The following FBN1 variants were observed in gnomAD, a reference collection of about 807,000 sequenced individuals.
FBN1 encodes the protein fibrillin 1, also known as fibrillin-1.
In FBN1, 29 loss-of-function variants were observed where a neutral mutation model predicts 365.1. The ratio of observed to expected loss-of-function variants is 0.08; its 90% confidence interval spans 0.06 to 0.11. FBN1 has a LOEUF of 0.11. Among genes scored for constraint, FBN1 ranks in the 10% least tolerant of loss-of-function variants. The probability of loss-of-function intolerance (pLI) is 1.00; values close to 1 mark genes in which losing one functional copy is unlikely to be tolerated. For synonymous variants in FBN1, 1,210 were observed against 1,270.5 expected, an observed-to-expected ratio of 0.95 and a Z score of 1.01; for missense variants, 2,476 against 3,703.2, an observed-to-expected ratio of 0.67 and a Z score of 8.60.
Position 48,419,493 on chromosome 15 carries a change from TGATTAAAATCAAA to T in FBN1, c.7819+1181_7819+1193del, listed in dbSNP as rs2042924570. On this transcript the variant is annotated intron_variant, in intron 63 of 65. Transcript: ENST00000316623. ...TTCTGTGAACAATGTCAGAAACTGG[TGATTAAAATCAAA>T]GACCTCCCTGAGCTGCTAATGAACA... Among the ~76,000 whole-genome samples, 4 of 152,162 alleles carry T rather than the reference TGATTAAAATCAAA, an allele frequency of 2.6e-5. No individual in the cohort carries two copies. The South Asian group carries it at 8.3e-4, about 31-fold the overall frequency.
Position 48,580,221 on chromosome 15 carries a change from C to A in FBN1, c.538+16062G>T, listed in dbSNP as rs2044381446. On this transcript the variant is annotated intron_variant, in intron 6 of 65. Coordinates refer to ENST00000316623, the MANE Select transcript of FBN1 (RefSeq NM_000138.5). The stretch of plus-strand genomic sequence containing the variant: ...TACAGTCATCATGCATGCACTAGGA[C>A]CATTCATCCCTGACAGTCAGACAAG... Among the ~76,000 whole-genome samples the A allele has an allele frequency of 5.9e-5, 9 of 152,270 alleles. No individual in the cohort carries two copies. In the South Asian group the frequency reaches 1.9e-3, roughly 32 times the overall value.
intron 6 of FBN1, among the ~76,000 whole-genome samples, chr15:48,543,015 T>A (rs1406504388): frequency 6.6e-6 from 1 of 152,186 alleles, no homozygotes; most frequent in Non-Finnish European, 1.5e-5. Flanking sequence ...ACTGACATCC[T>A]AATCATGGCA....
chr15:48,414,159 A>G (rs1255260945), intron 64 of FBN1, among the ~76,000 whole-genome samples: 2 of 152,214 alleles, frequency 1.3e-5, no homozygotes, highest in Non-Finnish European at 2.9e-5. Flanking sequence ...GCCAGTTTAG[A>G]GTGTCACAAT....
chr15:48,546,668 G>A (rs1193155413), intron 6 of FBN1, among the ~76,000 whole-genome samples: 7 of 152,190 alleles, frequency 4.6e-5, no homozygotes. Flanking sequence ...GAAAATAAAA[G>A]CCACTGTTAT....
At chr15:48,636,410 G>A (rs576232541) in intron 2 of FBN1, among the ~76,000 whole-genome samples, 24 of 152,218 alleles carry the variant, frequency 1.6e-4, no homozygotes, top group South Asian at 6.2e-4. Flanking sequence ...GTTAGCCTAC[G>A]GTCAATATGT....
intron 50 of FBN1, among the ~76,000 whole-genome samples, chr15:48,440,613 T>C (rs2043104944): frequency 1.3e-5 from 2 of 152,214 alleles, no homozygotes; most frequent in African/African-American, 4.8e-5. Flanking sequence ...CCTCTCCTTC[T>C]TACTTCCCAA....
intron 29 of FBN1, among the ~76,000 whole-genome samples, chr15:48,486,053 C>T (rs2043503955): frequency 6.6e-6 from 1 of 152,208 alleles, no homozygotes; most frequent in Non-Finnish European, 1.5e-5. Context: ...CAATCTTTGA[C>T]TTCAAAATGA....
At position 48,468,340 on chromosome 15, in the gene FBN1, T is replaced by C; in HGVS notation, c.4582+72A>G. On this transcript the variant is annotated intron_variant, in intron 37 of 65. Transcript: ENST00000316623. ...TCATTCATTTTGCAAACTTTGAGAA[T>C]GGAATGTTTGGTGCTGTTTTCAAAA... The C allele has an allele frequency of 5.7e-6, 9 of 1,578,156 alleles. No homozygotes were observed. In the South Asian group the frequency reaches 8.9e-5, roughly 16 times the overall value.
chr15:48,513,493 C>T, intron 13 of FBN1, 56 bp downstream of exon 13: 1 of 1,613,402 alleles, frequency 6.2e-7, no homozygotes, highest in Non-Finnish European at 8.5e-7. Context: ...TCCTTTGAAG[C>T]CAACCCCCAG....
intron 24 of FBN1, among the ~76,000 whole-genome samples, chr15:48,491,450 A>G (rs960447701): frequency 6.6e-6 from 1 of 151,478 alleles, no homozygotes; most frequent in Non-Finnish European, 1.5e-5. Context: ...TCCCGGGTTC[A>G]TGCCATTCTC....
intron 6 of FBN1, among the ~76,000 whole-genome samples, chr15:48,583,124 A>T (rs1226442643): frequency 2.6e-5 from 4 of 152,202 alleles, no homozygotes; most frequent in Non-Finnish European, 5.9e-5. Context: ...GTGACTCCAG[A>T]AGGCGGGATG....
chr15:48,534,516 A>G (rs1401219095), intron 7 of FBN1, among the ~76,000 whole-genome samples: 1 of 152,256 alleles, frequency 6.6e-6, no homozygotes, highest in African/African-American at 2.4e-5. Context: ...CAAAGTATAA[A>G]GATACGTTTA....
intron 6 of FBN1, among the ~76,000 whole-genome samples, chr15:48,556,266 T>C (rs1400915189): frequency 6.6e-6 from 1 of 152,172 alleles, no homozygotes; most frequent in Non-Finnish European, 1.5e-5. Flanking sequence ...TCACCTTCAA[T>C]TTCCATCCAC....
At chr15:48,547,721 T>TCACACACACA (rs57915350) in intron 6 of FBN1, among the ~76,000 whole-genome samples, 19 of 131,224 alleles carry the variant, frequency 1.4e-4, no homozygotes, top group South Asian at 2.8e-4. Flanking sequence ...CTTCTCTCTT[T>TCACACACACA]CACACACACA....
At chr15:48,551,628 C>A (rs2044142804) in intron 6 of FBN1, among the ~76,000 whole-genome samples, 1 of 151,934 alleles carries the variant, frequency 6.6e-6, no homozygotes, top group Non-Finnish European at 1.5e-5. Flanking sequence ...AAGTATTAAG[C>A]CTAGTTCCCA....
At chr15:48,608,932 C>T (rs932869648) in intron 4 of FBN1, among the ~76,000 whole-genome samples, 2 of 152,238 alleles carry the variant, frequency 1.3e-5, no homozygotes, top group South Asian at 2.1e-4. Context: ...TGAAGACCTT[C>T]CCAACTTAAT....
chr15:48,576,392 C>G (rs988847469), intron 6 of FBN1, among the ~76,000 whole-genome samples: 2 of 152,076 alleles, frequency 1.3e-5, no homozygotes, highest in Non-Finnish European at 2.9e-5. Context: ...TTTTTTCCCC[C>G]TCTACTCTGA....
intron 6 of FBN1, among the ~76,000 whole-genome samples, chr15:48,580,121 T>C (rs762390035): frequency 6.6e-5 from 10 of 152,134 alleles, no homozygotes; most frequent in Non-Finnish European, 1.3e-4. Context: ...TCCTTCCTTG[T>C]CCAGTTTTTC....
In FBN1 at chr15:48,420,804, C is replaced by T. The variant is rs138558987; in HGVS notation, c.7702G>A (p.Val2568Met). The T allele has an allele frequency of 4.4e-5, 71 of 1,613,712 alleles. No individual in the cohort carries two copies. The highest frequency in any genetic ancestry group is 5.7e-5 in the Non-Finnish European group (67 of 1,179,986). Residue 2568 changes from valine (V) to methionine (M), a missense_variant and splice_region_variant, in exon 63 of 66, where the codon GTG becomes ATG. Transcript: ENST00000316623. ...CGGTGGTTACCCTCACACTCGTCCACGTCTGAAAAAGAAGCAGAGCCACCA... is the reference window on the plus strand; with the variant it reads ...CGGTGGTTACCCTCACACTCGTCCATGTCTGAAAAAGAAGCAGAGCCACCA... ...LDQTGSSCED[V>M]DECEGNHRCQ...
Sources: allele counts gnomAD v4.1 joint callset (sites outside exome capture counted in the v4.1 genomes callset), GRCh38; gene constraint gnomAD v4.1.1; transcripts MANE v1.5; gene names NCBI Gene and HGNC (gene_info 2026-07-23, HGNC 2026-07-21).